The following CD300C variants were observed in gnomAD, a reference collection of about 807,000 sequenced individuals.
CD300C encodes CMRF35-like molecule 6.
Under a neutral mutation model 18.4 loss-of-function variants are expected in CD300C, and 11 were observed. The observed-to-expected ratio is 0.60, with a 90% CI of 0.38 to 0.99. CD300C has a LOEUF of 0.99. Among genes scored for constraint, CD300C ranks in the 50% least tolerant of loss-of-function variants. The pLI, the probability that CD300C is intolerant of heterozygous loss-of-function variation, is 0.01. For missense variants in CD300C, 277 were observed against 287.4 expected, an observed-to-expected ratio of 0.96 and a Z score of 0.26; for synonymous variants, 116 against 116.3, an observed-to-expected ratio of 1.00 and a Z score of 0.02.
At chr17:74,544,457 A>T (rs1908675719) in intron 2 of CD300C, 152 bp downstream of exon 2, 2 of 746,944 alleles carry the variant, frequency 2.7e-6, no homozygotes, top group Non-Finnish European at 4.4e-6. Context: ...ATACACAAAG[A>T]CGCACTCACA....
At chr17:74,539,195 G>A (rs36112090), downstream of CD300C, among the ~76,000 whole-genome samples, 3,963 of 152,204 alleles carry the variant, frequency 0.026, 56 homozygotes, top group South Asian at 0.051. Context: ...GAGGCCGAGC[G>A]GAGAGTGACA....
At chr17:74,538,254 T>G (rs1191191766), downstream of CD300C, among the ~76,000 whole-genome samples, 1 of 152,180 alleles carries the variant, frequency 6.6e-6, no homozygotes, top group Non-Finnish European at 1.5e-5. Flanking sequence ...TTACTGTTTC[T>G]CACAATCCAG....
At position 74,541,151 on chromosome 17, in the gene CD300C, C is replaced by G. The variant is rs1440376713; in HGVS notation, c.*438G>C. 6.0e-6 allele frequency: 1 copy of G among 167,430 alleles called. No homozygotes were observed. The highest frequency in any genetic ancestry group is 1.3e-5 in the Non-Finnish European group (1 of 76,564). The allele number at this position is 167,430 out of a possible 1,614,324, so 10.4% of individuals were successfully genotyped here. On this transcript the variant is annotated 3_prime_UTR_variant, in exon 4 of 4. Transcript: ENST00000330793. Reference sequence around the variant, plus strand: ...TTAAAGTTTGAAAGCATCATTGAATCGACACACTCAGCAAATGGAAGCAGC... The same window carrying G: ...TTAAAGTTTGAAAGCATCATTGAATGGACACACTCAGCAAATGGAAGCAGC...
chr17:74,544,667 T>C lies in CD300C; in HGVS notation c.342A>G (p.Thr114=). 3.1e-6 allele frequency: 5 copies of C among 1,614,152 alleles called. No homozygotes were observed. Among genetic ancestry groups the C allele is most frequent in the Non-Finnish European group, 4.2e-6 (5 of 1,179,996 alleles). ...GATCATGAAAGTCTCGGAGCCACGG[T>C]GTATCCACCCCACACCAGTAGGTGC... ...DAGTYWCGVD[T]PWLRDFHDPI... The change falls in exon 2 of 4, where the codon ACA becomes ACG. Residue 114 remains threonine (T), a synonymous_variant. Transcript: ENST00000330793.
At chr17:74,541,812 T>C in intron 3 of CD300C, 76 bp from the exon 4 acceptor site, 1 of 1,518,004 alleles carries the variant, frequency 6.6e-7, no homozygotes, top group Non-Finnish European at 8.9e-7. Flanking sequence ...CCCCTGACCC[T>C]TGTGTCCCAA....
chr17:74,542,870 G>A lies in CD300C; in HGVS notation c.518C>T (p.Pro173Leu). 4 of 1,607,056 alleles carry A rather than the reference G, an allele frequency of 2.5e-6. No individual in the cohort carries two copies. The highest frequency in any genetic ancestry group is 3.4e-6 in the Non-Finnish European group (4 of 1,179,930). Reference protein sequence around the residue: ...VTRKDSPEPSPHPGSLFSNVR... With the variant: ...VTRKDSPEPSLHPGSLFSNVR... ...TGCGCAGGCACCTTACCCAGGGTGT[G>A]GGCTGGGTTCGGGGCTGTCCTTTCT... The change falls in exon 3 of 4, where the codon CCA becomes CTA. Residue 173 changes from proline to leucine, a missense_variant. By Grantham distance (98) the Pro-to-Leu change is moderately conservative (BLOSUM62 -3). Transcript: ENST00000330793.
Position 74,545,839 on chromosome 17 carries a change from T to G in CD300C, c.-57A>C. On this transcript the variant is annotated 5_prime_UTR_variant, in exon 1 of 4. Coordinates refer to ENST00000330793, the MANE Select transcript of CD300C (RefSeq NM_006678.5). ...CAAGACCCCAGGAGGGGACAAAATG[T>G]AATCTCCTCCCAGCAGATCTGAGCT... 7.1e-7 allele frequency: 1 copy of G among 1,403,628 alleles called. No homozygotes were observed. Among genetic ancestry groups the G allele is most frequent in the Non-Finnish European group, 1.0e-6 (1 of 1,003,340 alleles). The allele number at this position is 1,403,628 out of a possible 1,614,324, so 86.9% of individuals were successfully genotyped here.
chr17:74,538,682 T>C (rs1255479891), downstream of CD300C, among the ~76,000 whole-genome samples: 1 of 152,208 alleles, frequency 6.6e-6, no homozygotes, highest in African/African-American at 2.4e-5. Flanking sequence ...AAGCCCTTTG[T>C]GTGCAGGAGC....
chr17:74,535,162 T>C, the CD300C span, among the ~76,000 whole-genome samples: 1 of 152,034 alleles, frequency 6.6e-6, no homozygotes, highest in African/African-American at 2.4e-5. Flanking sequence ...AACTTGAAAA[T>C]GCAATAAAAG....
In CD300C at chr17:74,546,079, C is replaced by A. The variant is rs1010033094; in HGVS notation, c.-297G>T. On this transcript the variant is annotated 5_prime_UTR_variant, in exon 1 of 4. Coordinates refer to ENST00000330793, the MANE Select transcript of CD300C (RefSeq NM_006678.5). ...TGGCGATGCAGCCACTTCCCCACAGCCCACAGCTTCTGGCTTCAGTGTGTT... is the reference window on the plus strand; with the variant it reads ...TGGCGATGCAGCCACTTCCCCACAGACCACAGCTTCTGGCTTCAGTGTGTT... The A allele has an allele frequency of 5.3e-6, 2 of 375,632 alleles. No individual in the cohort carries two copies. Among genetic ancestry groups the A allele is most frequent in the East Asian group, 4.9e-5 (1 of 20,516 alleles). The allele number at this position is 375,632 out of a possible 1,614,324, so 23.3% of individuals were successfully genotyped here.
At chr17:74,543,128 A>G (rs1908617608) in intron 2 of CD300C, 141 bp from the exon 3 acceptor site, 1 of 1,187,778 alleles carries the variant, frequency 8.4e-7, no homozygotes, top group South Asian at 1.3e-5. Flanking sequence ...CCCCACGGCC[A>G]CACCCAGGCC....
In CD300C at chr17:74,541,725, C is replaced by G. The variant is rs756766390; in HGVS notation, c.539G>C (p.Ser180Thr). 1.1e-5 allele frequency: 18 copies of G among 1,613,350 alleles called. No homozygotes were observed. The South Asian group carries it at 1.8e-4, about 16-fold the overall frequency. ...GACCAGGAGCAGGAAGCGGACATTG[C>G]TGAACAGGGAGCTGTGGGGACACGG... Reference protein sequence around the residue: ...EPSPHPGSLFSNVRFLLLVLL... With the variant: ...EPSPHPGSLFTNVRFLLLVLL... Residue 180 changes from serine to threonine, a missense_variant, in exon 4 of 4, where the codon AGC (serine) becomes ACC (threonine). By Grantham distance (58) the Ser-to-Thr change is moderately conservative (BLOSUM62 1). Transcript: ENST00000330793.
At chr17:74,539,724 C>T (rs1908485402), downstream of CD300C, among the ~76,000 whole-genome samples, 1 of 152,256 alleles carries the variant, frequency 6.6e-6, no homozygotes, top group African/African-American at 2.4e-5. Flanking sequence ...ACTCCTCTGC[C>T]TGCCTCCAGC....
Position 74,545,900 on chromosome 17 carries a change from TC to T in CD300C, c.-119del. ...TTTTCTTCTGCTCTCTGCTTCCTTGTCCAGCCCTGTCTCAGGTCTGAGGCTG... is the reference window on the plus strand; with the variant it reads ...TTTTCTTCTGCTCTCTGCTTCCTTGTCAGCCCTGTCTCAGGTCTGAGGCTG... On this transcript the variant is annotated 5_prime_UTR_variant, in exon 1 of 4. Coordinates refer to ENST00000330793, the MANE Select transcript of CD300C (RefSeq NM_006678.5). 1.2e-6 allele frequency: 1 copy of T among 867,804 alleles called. No homozygotes were observed. The allele number at this position is 867,804 out of a possible 1,614,324, so 53.8% of individuals were successfully genotyped here.
chr17:74,541,716 C>T lies in CD300C; in HGVS notation c.548G>A (p.Arg183His), dbSNP rs1473827518. 1.6e-5 allele frequency: 26 copies of T among 1,613,566 alleles called. No individual in the cohort carries two copies. Among genetic ancestry groups the T allele is most frequent in the Non-Finnish European group, 2.0e-5 (24 of 1,179,738 alleles). ...CTCCAAGAGGACCAGGAGCAGGAAG[C>T]GGACATTGCTGAACAGGGAGCTGTG... ...PHPGSLFSNV[R>H]FLLLVLLELP... Residue 183 changes from arginine to histidine, a missense_variant, in exon 4 of 4, where the codon CGC (arginine) becomes CAC (histidine). Transcript: ENST00000330793.
At chr17:74,537,037 AG>A (rs1009320382), downstream of CD300C, among the ~76,000 whole-genome samples, 5 of 148,336 alleles carry the variant, frequency 3.4e-5, no homozygotes, top group African/African-American at 1.0e-4. Flanking sequence ...GGAAAAAAAG[AG>A]GGAGGAAAAG....
intron 2 of CD300C, among the ~76,000 whole-genome samples, 181 bp downstream of exon 2, chr17:74,544,428 A>T: frequency 5.4e-5 from 1 of 18,622 alleles, no homozygotes; most frequent in African/African-American, 1.2e-3. Flanking sequence ...ACCACACCAC[A>T]ACTCCTATGC....
chr17:74,539,947 G>T (rs777192455), downstream of CD300C, among the ~76,000 whole-genome samples: 2 of 152,246 alleles, frequency 1.3e-5, no homozygotes, highest in African/African-American at 2.4e-5. Flanking sequence ...CCAAGGGCAA[G>T]TCAACAAATT....
intron 3 of CD300C, among the ~76,000 whole-genome samples, 165 bp from the exon 4 acceptor site, chr17:74,541,901 G>T (rs545752089): frequency 6.6e-6 from 1 of 152,090 alleles, no homozygotes; most frequent in African/African-American, 2.4e-5. Flanking sequence ...CTAACCCTCA[G>T]CCTCGGATTT....
Sources: gnomAD v4.1 joint callset for allele counts (sites outside exome capture counted in the v4.1 genomes callset) on GRCh38, gnomAD v4.1.1 for gene constraint, MANE v1.5 for transcripts, NCBI Gene and HGNC (gene_info 2026-07-23, HGNC 2026-07-21) for gene names.